Variants in PRKAA1 observed in about 807,000 individuals in gnomAD.
PRKAA1 encodes the protein 5'-AMP-activated protein kinase catalytic subunit alpha-1.
A neutral mutation model predicts 56.9 loss-of-function variants in PRKAA1; 23 were observed. That is an observed-to-expected ratio of 0.40 (90% CI 0.29 to 0.57). The LOEUF (loss-of-function observed/expected upper bound fraction) is 0.57, where lower values mean the gene tolerates loss of function less well. PRKAA1 is among the 20% of genes least tolerant of loss of function. PRKAA1 has a pLI of 0.39. For synonymous variants in PRKAA1, 226 were observed against 227.0 expected (o/e 1.00, Z 0.04); for missense variants, 413 against 679.7 (o/e 0.61, Z 4.36).
intron 1 of PRKAA1, among the ~76,000 whole-genome samples, chr5:40,778,779 A>ATTTTTTTT (rs70988808): frequency 8.6e-5 from 5 of 57,820 alleles, no homozygotes; most frequent in Non-Finnish European, 1.2e-4. Context: ...CTGTTTTTTA[A>ATTTTTTTT]TTTTTTTTTT....
chr5:40,763,362 C>T (rs565263888), intron 8 of PRKAA1, among the ~76,000 whole-genome samples: 7 of 152,158 alleles, frequency 4.6e-5, no homozygotes, highest in African/African-American at 7.2e-5. Flanking sequence ...ATCATAGAAT[C>T]GATGCACTTA....
intron 1 of PRKAA1, among the ~76,000 whole-genome samples, chr5:40,788,660 T>C (rs1744595113): frequency 6.6e-6 from 1 of 151,972 alleles, no homozygotes; most frequent in Admixed American, 6.6e-5. Context: ...AAGCCCTATC[T>C]CTACTAAAAA....
chr5:40,794,516 T>TC (rs375590456), intron 1 of PRKAA1, among the ~76,000 whole-genome samples: 1 of 129,424 alleles, frequency 7.7e-6, no homozygotes. Context: ...TTATCTTTGT[T>TC]TTTATTGCAT....
chr5:40,769,051 T>G, intron 5 of PRKAA1: 1 of 772,230 alleles, frequency 1.3e-6, no homozygotes, highest in East Asian at 2.9e-5. Context: ...ATGCCATCTA[T>G]GTAAAAAATT....
intron 1 of PRKAA1, among the ~76,000 whole-genome samples, chr5:40,786,961 C>G (rs1238972632): frequency 6.7e-6 from 1 of 149,908 alleles, no homozygotes; most frequent in Non-Finnish European, 1.5e-5. Context: ...TTGTCTCAAA[C>G]AAACAAAAAG....
intron 1 of PRKAA1, among the ~76,000 whole-genome samples, chr5:40,796,933 A>G (rs1355540496): frequency 6.6e-6 from 1 of 152,220 alleles, no homozygotes; most frequent in African/African-American, 2.4e-5. Flanking sequence ...ATCAGTTCCA[A>G]ACTTCCTTTC....
chr5:40,786,909 G>A (rs1744515545), intron 1 of PRKAA1, among the ~76,000 whole-genome samples: 1 of 148,540 alleles, frequency 6.7e-6, no homozygotes, highest in Non-Finnish European at 1.5e-5. Flanking sequence ...AGTGAGCCAA[G>A]ATCTCACCAC....
At chr5:40,795,309 G>A (rs1270982499) in intron 1 of PRKAA1, among the ~76,000 whole-genome samples, 1 of 151,898 alleles carries the variant, frequency 6.6e-6, no homozygotes, top group Admixed American at 6.6e-5. Flanking sequence ...CAGGTGATGG[G>A]TGCACCAAAA....
intron 4 of PRKAA1, 43 bp from the exon 5 acceptor site, chr5:40,769,546 A>G: frequency 7.0e-7 from 1 of 1,431,960 alleles, no homozygotes; most frequent in South Asian, 1.2e-5. Flanking sequence ...TTTCCCAAAG[A>G]CAAAAATTAA....
chr5:40,796,258 A>G (rs1448673575), intron 1 of PRKAA1, among the ~76,000 whole-genome samples: 1 of 151,996 alleles, frequency 6.6e-6, no homozygotes, highest in Non-Finnish European at 1.5e-5. Context: ...GGAGGTTGCA[A>G]TGAGCCAAGA....
intron 3 of PRKAA1, among the ~76,000 whole-genome samples, chr5:40,772,083 A>G (rs1743773226): frequency 6.6e-6 from 1 of 152,238 alleles, no homozygotes; most frequent in African/African-American, 2.4e-5. Flanking sequence ...TTCTAATATT[A>G]TCATTTGCAT....
At position 40,775,088 on chromosome 5, in the gene PRKAA1, A is replaced by G. The variant is rs531770363; in HGVS notation, c.363+322T>C. 21 of 851,588 alleles carry G rather than the reference A, an allele frequency of 2.5e-5. No homozygotes were observed. The East Asian group carries it at 5.2e-4, about 21-fold the overall frequency. The allele number at this position is 851,588 out of a possible 1,614,324, so 52.8% of individuals were successfully genotyped here. A position where few individuals can be genotyped will look rare whatever the true frequency, so the allele number is the denominator to read the frequency against. ...ATTAATTACATTAAGATACATATTC[A>G]AAGTATTTGTATACCCTGGAAGCAT... On this transcript the variant is annotated intron_variant, in intron 3 of 8. Transcript: ENST00000397128.
chr5:40,786,927 T>A (rs1744516357), intron 1 of PRKAA1, among the ~76,000 whole-genome samples: 1 of 151,236 alleles, frequency 6.6e-6, no homozygotes, highest in African/African-American at 2.4e-5. Flanking sequence ...CACTGCACTC[T>A]GGCCTAGGCA....
At chr5:40,772,906 T>G (rs746960208) in intron 3 of PRKAA1, among the ~76,000 whole-genome samples, 4 of 152,228 alleles carry the variant, frequency 2.6e-5, no homozygotes, top group Non-Finnish European at 4.4e-5. Flanking sequence ...GTGCTGAGAT[T>G]ACAGACATGT....
At chr5:40,765,304 T>G in intron 6 of PRKAA1, 66 bp from the exon 7 acceptor site, 1 of 1,462,764 alleles carries the variant, frequency 6.8e-7, no homozygotes, top group Non-Finnish European at 9.2e-7. Flanking sequence ...AGTAACAGTT[T>G]AGGGAATTTA....
Position 40,791,484 on chromosome 5 carries a change from A to G in PRKAA1, c.127+6579T>C, listed in dbSNP as rs1185295629. 2.6e-5 allele frequency among the ~76,000 whole-genome samples: 4 copies of G among 152,374 alleles called. No individual in the cohort carries two copies. The East Asian group carries it at 5.8e-4, about 22-fold the overall frequency. On this transcript the variant is annotated intron_variant, in intron 1 of 8. Coordinates refer to ENST00000397128, the MANE Select transcript of PRKAA1 (RefSeq NM_006251.6). ...TCTAAAGGGAACTTTGTCTAACTGC[A>G]TAACATTGTAACAAATGCTCTTCTA...
chr5:40,793,840 C>T (rs1047836695), intron 1 of PRKAA1, among the ~76,000 whole-genome samples: 1 of 152,132 alleles, frequency 6.6e-6, no homozygotes, highest in Non-Finnish European at 1.5e-5. Flanking sequence ...GTGGTTCAGG[C>T]CTGTAATCCC....
Position 40,760,600 on chromosome 5 carries a change from A to G in PRKAA1, c.*2178T>C, listed in dbSNP as rs961301017. 2.0e-5 allele frequency: 3 copies of G among 152,764 alleles called. No individual in the cohort carries two copies. The highest frequency in any genetic ancestry group is 7.2e-5 in the African/African-American group (3 of 41,472). The allele number at this position is 152,764 out of a possible 1,614,324, so 9.5% of individuals were successfully genotyped here. A position where few individuals can be genotyped will look rare whatever the true frequency, so the allele number is the denominator to read the frequency against. On this transcript the variant is annotated 3_prime_UTR_variant, in exon 9 of 9. Coordinates refer to ENST00000397128, the MANE Select transcript of PRKAA1 (RefSeq NM_006251.6). ...ACATAAAAAGTAAATACAGTTTTGA[A>G]CTCATATTTAAATGGAACTTCTATT...
chr5:40,771,657 G>A lies in PRKAA1; in HGVS notation c.508+62C>T, dbSNP rs994487379. 1.9e-4 allele frequency: 281 copies of A among 1,481,526 alleles called. 3 individuals carry two copies. The Middle Eastern group carries it at 3.0e-3, about 16-fold the overall frequency. 91.8% of individuals were successfully genotyped at this position (1,481,526 alleles called of 1,614,324 possible). A position where few individuals can be genotyped will look rare whatever the true frequency, so the allele number is the denominator to read the frequency against. On this transcript the variant is annotated intron_variant, in intron 4 of 8. Coordinates refer to ENST00000397128, the MANE Select transcript of PRKAA1 (RefSeq NM_006251.6). ...ACAGTTATCTGAAGAATTCTAGGTA[G>A]GTTCATTGAAACTATAAGAACATTA...
Sources: gnomAD v4.1 joint callset for allele counts (sites outside exome capture counted in the v4.1 genomes callset) on GRCh38, gnomAD v4.1.1 for gene constraint, MANE v1.5 for transcripts, NCBI Gene and HGNC (gene_info 2026-07-23, HGNC 2026-07-21) for gene names.